The following PRKN variants were observed in gnomAD, a reference collection of about 807,000 sequenced individuals.
PRKN encodes the protein parkin RBR E3 ubiquitin protein ligase, also known as E3 ubiquitin-protein ligase parkin.
In PRKN, 56 loss-of-function variants were observed where a neutral mutation model predicts 59.5. That is an observed-to-expected ratio of 0.94 (90% CI 0.76 to 1.18). The LOEUF is 1.18. Ranked by LOEUF, PRKN falls within the 50% of genes most tolerant of loss-of-function variation. The pLI, the probability that PRKN is intolerant of heterozygous loss-of-function variation, is 0.00. For synonymous variants in PRKN, 250 were observed against 222.1 expected (o/e 1.13, Z -1.12); for missense variants, 657 against 596.4 (o/e 1.10, Z -1.06).
intron 1 of PRKN, among the ~76,000 whole-genome samples, chr6:162,454,557 A>T (rs4709611): frequency 0.37 from 56,242 of 152,050 alleles, 10,649 homozygotes; most frequent in East Asian, 0.57. Flanking sequence ...AGCAGGAAAA[A>T]GAATCTTGGG....
At chr6:162,264,217 G>T (rs112799770) in intron 2 of PRKN, among the ~76,000 whole-genome samples, 9,306 of 152,100 alleles carry the variant, frequency 0.061, 389 homozygotes, top group Middle Eastern at 0.14. Context: ...GCGAAGGTTG[G>T]AGTGAGCCAA....
chr6:161,508,440 C>A (rs1312779893), intron 9 of PRKN, among the ~76,000 whole-genome samples: 1 of 152,122 alleles, frequency 6.6e-6, no homozygotes, highest in East Asian at 1.9e-4. Context: ...TTTTCTTTTT[C>A]TTTAACCTCG....
rs903208531 is a variant in PRKN at position 161,361,024 on chromosome 6, C to G, written c.1168-819G>C. 6.6e-6 allele frequency among the ~76,000 whole-genome samples: 1 copy of G among 151,978 alleles called. No individual in the cohort carries two copies. Among genetic ancestry groups the G allele is most frequent in the Non-Finnish European group, 1.5e-5 (1 of 67,992 alleles). On this transcript the variant is annotated intron_variant, in intron 10 of 11. Transcript: ENST00000366898. The surrounding 1 kb of genome is among the most constrained non-coding windows in gnomAD (Gnocchi z 5.2). Reference sequence around the variant, plus strand: ...CATTTGCTGACATTATTCATGTCACCGAGAGCTGGGTGCTGCCTGCACCAT... The same window carrying G: ...CATTTGCTGACATTATTCATGTCACGGAGAGCTGGGTGCTGCCTGCACCAT...
At chr6:162,121,184 T>C (rs746339131) in intron 4 of PRKN, among the ~76,000 whole-genome samples, 5 of 152,206 alleles carry the variant, frequency 3.3e-5, no homozygotes, top group Non-Finnish European at 7.3e-5. Flanking sequence ...ATGTTGATCA[T>C]GCTTACCTCA....
At chr6:161,604,434 G>A (rs1263075056) in intron 7 of PRKN, among the ~76,000 whole-genome samples, 1 of 152,196 alleles carries the variant, frequency 6.6e-6, no homozygotes. Flanking sequence ...GGATGGGGGT[G>A]CAGAAGACAA....
In PRKN at chr6:161,467,234, T is replaced by G. The variant is rs1316679196; in HGVS notation, c.1084-80357A>C. 1.3e-5 allele frequency among the ~76,000 whole-genome samples: 2 copies of G among 152,226 alleles called. No individual in the cohort carries two copies. Among genetic ancestry groups the G allele is most frequent in the African/African-American group, 2.4e-5 (1 of 41,454 alleles). On this transcript the variant is annotated intron_variant, in intron 9 of 11. Transcript: ENST00000366898. This position sits in a 1 kb window ranked among gnomAD's most constrained non-coding sequence, Gnocchi z 4.3. ...TTCTTCCATCTACACCCTTCTGTCT[T>G]AAGTATAATTCACTCATTCATTCAT... is the stretch of plus-strand genomic sequence containing the variant.
At chr6:161,968,430 C>A (rs1784590) in intron 6 of PRKN, among the ~76,000 whole-genome samples, 72,308 of 151,694 alleles carry the variant, frequency 0.48, 17,408 homozygotes, top group Middle Eastern at 0.59. Flanking sequence ...ACATGACAGG[C>A]CTGTCTGACC....
intron 1 of PRKN, among the ~76,000 whole-genome samples, chr6:162,466,763 A>G (rs1051547774): frequency 2.0e-5 from 3 of 152,002 alleles, no homozygotes; most frequent in Non-Finnish European, 4.4e-5. Flanking sequence ...CTGAAGAATA[A>G]AACAGATACC....
intron 9 of PRKN, among the ~76,000 whole-genome samples, chr6:161,425,027 C>T (rs1788267082): frequency 6.6e-6 from 1 of 152,146 alleles, no homozygotes; most frequent in South Asian, 2.1e-4. Flanking sequence ...GTGATGCCTA[C>T]AGGTGTCTTC....
intron 1 of PRKN, among the ~76,000 whole-genome samples, chr6:162,556,344 TGTGTGTGTGTGTGTGTGTG>T (rs1779574665): frequency 0.022 from 1,914 of 87,370 alleles, 61 homozygotes; most frequent in African/African-American, 0.078. Context: ...ACTCAGCTGG[TGTGTGTGTGTGTGTGTGTG>T]TGTGTGTGTG....
chr6:162,322,255 T>C (rs1282326951), intron 2 of PRKN, among the ~76,000 whole-genome samples: 3 of 152,038 alleles, frequency 2.0e-5, no homozygotes, highest in Admixed American at 6.6e-5. Context: ...TTTGTGTGAA[T>C]TGTACACTGA....
At chr6:161,998,249 A>C (rs1379783297) in intron 5 of PRKN, among the ~76,000 whole-genome samples, 1 of 152,092 alleles carries the variant, frequency 6.6e-6, no homozygotes, top group Non-Finnish European at 1.5e-5. Context: ...CCCATTTATC[A>C]GCCTTAACTC....
intron 6 of PRKN, among the ~76,000 whole-genome samples, chr6:161,821,045 A>C (rs1792002093): frequency 6.6e-6 from 1 of 152,092 alleles, no homozygotes; most frequent in Non-Finnish European, 1.5e-5. Flanking sequence ...AAATGGACAA[A>C]AAGCCCACCA....
At chr6:162,101,897 C>T (rs981553894) in intron 4 of PRKN, among the ~76,000 whole-genome samples, 11 of 152,168 alleles carry the variant, frequency 7.2e-5, no homozygotes, top group African/African-American at 2.4e-4. Flanking sequence ...AAAAACAAGA[C>T]ATTCTTCTAC....
chr6:161,989,320 A>T (rs1031077237), intron 5 of PRKN, among the ~76,000 whole-genome samples: 4 of 152,196 alleles, frequency 2.6e-5, no homozygotes, highest in African/African-American at 9.6e-5. Flanking sequence ...TACCCGTTAC[A>T]GCTGGTGCCC....
chr6:161,696,456 G>T (rs1202832102), intron 7 of PRKN, among the ~76,000 whole-genome samples: 1 of 152,166 alleles, frequency 6.6e-6, no homozygotes, highest in African/African-American at 2.4e-5. Flanking sequence ...ATGCCCTCAG[G>T]TTTTCAACAT....
chr6:161,886,726 C>CATAAA (rs1795164124), intron 6 of PRKN, among the ~76,000 whole-genome samples: 1 of 118,502 alleles, frequency 8.4e-6, no homozygotes, highest in Non-Finnish European at 1.8e-5. Context: ...CATAAAATAA[C>CATAAA]ATAAAATAAA....
At chr6:162,264,959 A>G (rs1780064206) in intron 2 of PRKN, among the ~76,000 whole-genome samples, 1 of 152,012 alleles carries the variant, frequency 6.6e-6, no homozygotes, top group Non-Finnish European at 1.5e-5. Context: ...ACATCTCAAT[A>G]GTCACCTCCC....
intron 5 of PRKN, among the ~76,000 whole-genome samples, chr6:161,988,577 G>T (rs1418526873): frequency 6.6e-6 from 1 of 151,786 alleles, no homozygotes; most frequent in Non-Finnish European, 1.5e-5. Flanking sequence ...TTTCAATCAG[G>T]TTTAAACATA....
Sources: allele counts gnomAD v4.1 joint callset (sites outside exome capture counted in the v4.1 genomes callset), GRCh38; gene constraint gnomAD v4.1.1; non-coding constraint Gnocchi (gnomAD v3.1); transcripts MANE v1.5; gene names NCBI Gene and HGNC (gene_info 2026-07-23, HGNC 2026-07-21).